The following CD8A variants were observed in gnomAD, a reference collection of about 807,000 sequenced individuals.
CD8A encodes the protein CD8 subunit alpha.
In CD8A, 25 loss-of-function variants were observed where a neutral mutation model predicts 24.2. That is an observed-to-expected ratio of 1.03 (90% CI 0.75 to 1.44). CD8A has a LOEUF of 1.44. CD8A is among the 40% of genes most tolerant of loss of function. The probability of loss-of-function intolerance (pLI) is 0.00; values close to 1 mark genes in which losing one functional copy is unlikely to be tolerated. For synonymous variants in CD8A, 165 were observed against 149.9 expected (o/e 1.10, Z -0.74); for missense variants, 360 against 319.7 (o/e 1.13, Z -0.96).
chr2:86,789,557 T>G, intron 3 of CD8A, 83 bp downstream of exon 3: 1 of 1,295,944 alleles, frequency 7.7e-7, no homozygotes, highest in Non-Finnish European at 1.1e-6. Context: ...CCCTTGACTC[T>G]ACCTACAGTA....
chr2:86,785,750 C>G lies in CD8A; in HGVS notation c.*170G>C, dbSNP rs750144339. 7.8e-6 allele frequency: 6 copies of G among 768,390 alleles called. No individual in the cohort carries two copies. In the South Asian group the frequency reaches 8.2e-5, roughly 11 times the overall value. 47.6% of individuals were successfully genotyped at this position (768,390 alleles called of 1,614,324 possible). On this transcript the variant is annotated 3_prime_UTR_variant, in exon 6 of 6. Transcript: ENST00000283635. ...CTGTAGATTTTACCTAGTTTTGTTT[C>G]CCGTCAAACACATAAAGAAAAAGTA...
At chr2:86,799,960 A>G (rs1321919250) in intron 3 of CD8A, among the ~76,000 whole-genome samples, 1 of 151,524 alleles carries the variant, frequency 6.6e-6, no homozygotes, top group Non-Finnish European at 1.5e-5. Flanking sequence ...TTTTAACAGA[A>G]ATTAAGTCTG....
chr2:86,790,184 T>C, intron 2 of CD8A, 144 bp downstream of exon 2: 1 of 708,220 alleles, frequency 1.4e-6, no homozygotes, highest in South Asian at 1.5e-5. Context: ...TTAGCCTCAG[T>C]TTGCTGTGTC....
At chr2:86,789,772 G>A in intron 2 of CD8A, 22 bp from the exon 3 acceptor site, 1 of 1,323,708 alleles carries the variant, frequency 7.6e-7, no homozygotes, top group South Asian at 2.1e-5. Context: ...ACAGAGCGTG[G>A]TTGGGGGCCA....
At chr2:86,788,680 C>A in intron 4 of CD8A, 120 bp from the exon 5 acceptor site, 1 of 866,180 alleles carries the variant, frequency 1.2e-6, no homozygotes, top group South Asian at 1.4e-5. Flanking sequence ...TACAAAAAAT[C>A]ATTTCAGAAC....
chr2:86,792,096 A>C (rs1673330994), upstream of CD8A, among the ~76,000 whole-genome samples: 1 of 151,466 alleles, frequency 6.6e-6, no homozygotes, highest in Non-Finnish European at 1.5e-5. Flanking sequence ...TGGCCTTGGG[A>C]CTCCTGAGCT....
chr2:86,806,806 C>T (rs867183748), intron 2 of CD8A, among the ~76,000 whole-genome samples: 10 of 152,268 alleles, frequency 6.6e-5, no homozygotes, highest in Middle Eastern at 6.8e-3. Context: ...GAGTGAAAAG[C>T]TTTATGGTGG....
At chr2:86,805,313 A>C (rs899568477) in intron 2 of CD8A, among the ~76,000 whole-genome samples, 2 of 152,150 alleles carry the variant, frequency 1.3e-5, no homozygotes, top group African/African-American at 4.8e-5. Context: ...GATTTTCTCT[A>C]GGGTGTTTTC....
In CD8A at chr2:86,785,668, C is replaced by G. The variant is rs1356400111; in HGVS notation, c.*252G>C. ...AACTCTGCGGGTAGCTCTGGCCTGC[C>G]CCTTTCCACGCCCTACCGCGATGTG... On this transcript the variant is annotated 3_prime_UTR_variant, in exon 6 of 6. Coordinates refer to ENST00000283635, the MANE Select transcript of CD8A (RefSeq NM_001768.7). The G allele has an allele frequency of 1.5e-6, 1 of 673,896 alleles. No homozygotes were observed. The highest frequency in any genetic ancestry group is 2.7e-6 in the Non-Finnish European group (1 of 367,452). 41.7% of individuals were successfully genotyped at this position (673,896 alleles called of 1,614,324 possible).
rs753976692 is a variant in CD8A, at chr2:86,788,564, G to A, written c.626-4C>T. 6.2e-7 allele frequency: 1 copy of A among 1,612,792 alleles called. No homozygotes were observed. Among genetic ancestry groups the A allele is most frequent in the Non-Finnish European group, 8.5e-7 (1 of 1,179,106 alleles). On this transcript the variant is annotated splice_region_variant and splice_polypyrimidine_tract_variant and intron_variant, in intron 4 of 5. Coordinates refer to ENST00000283635, the MANE Select transcript of CD8A (RefSeq NM_001768.7). ...TTGCAAACACGTCTTCGGTTCCCTG[G>A]ATAAGGAAAAAGAAGGGAAAAAGTG...
In CD8A at chr2:86,785,975, A is replaced by T; in HGVS notation, c.657-4T>A. The T allele has an allele frequency of 2.5e-6, 4 of 1,613,272 alleles. No individual in the cohort carries two copies. Among genetic ancestry groups the T allele is most frequent in the Non-Finnish European group, 3.4e-6 (4 of 1,179,174 alleles). ...GTCTCCCGATTTGACCACAGGCCTG[A>T]AAGAGAGGAAAGCGACCATCATTGT... On this transcript the variant is annotated splice_region_variant and splice_polypyrimidine_tract_variant and intron_variant, in intron 5 of 5. Transcript: ENST00000283635.
At chr2:86,803,420 G>T (rs904292559) in intron 2 of CD8A, among the ~76,000 whole-genome samples, 3 of 152,122 alleles carry the variant, frequency 2.0e-5, no homozygotes, top group Non-Finnish European at 2.9e-5. Flanking sequence ...ATATATACAA[G>T]GGAATTCAGC....
intron 5 of CD8A, among the ~76,000 whole-genome samples, chr2:86,788,212 G>A (rs928787306): frequency 6.7e-6 from 1 of 149,828 alleles, no homozygotes; most frequent in Non-Finnish European, 1.5e-5. Flanking sequence ...CAGGTCCTAC[G>A]AGGAGCTAGG....
chr2:86,790,461 C>A lies in CD8A; in HGVS notation c.270G>T (p.Ser90=). Residue 90 remains serine (S), a synonymous_variant, in exon 2 of 6, where the codon TCG becomes TCT. Coordinates refer to ENST00000283635, the MANE Select transcript of CD8A (RefSeq NM_001768.7). ...CGAAGGTGTCCCCCAACCTCTTGCC[C>A]GAGAACCGCTGGGTGTCCAGCCCCT... is the stretch of plus-strand genomic sequence containing the variant. ...AAEGLDTQRF[S]GKRLGDTFVL... is the part of the protein sequence containing the mutation. 1 of 1,614,164 alleles carries A rather than the reference C, an allele frequency of 6.2e-7. No individual in the cohort carries two copies. The highest frequency in any genetic ancestry group is 8.5e-7 in the Non-Finnish European group (1 of 1,180,030).
At chr2:86,791,024 C>G (rs1258043351), upstream of CD8A, 7 of 723,096 alleles carry the variant, frequency 9.7e-6, no homozygotes, top group Admixed American at 2.0e-5. Flanking sequence ...CCTTCCAGCC[C>G]GGCGAGGAGG....
At chr2:86,806,481 T>C (rs981342826) in intron 2 of CD8A, among the ~76,000 whole-genome samples, 3 of 152,242 alleles carry the variant, frequency 2.0e-5, no homozygotes, top group African/African-American at 7.2e-5. Flanking sequence ...CTTTCTCTTT[T>C]TGTGGGGACA....
chr2:86,804,794 CTTTTTTTTTTTTTT>C (rs70958908), intron 2 of CD8A, among the ~76,000 whole-genome samples: 5 of 94,062 alleles, frequency 5.3e-5, no homozygotes, highest in East Asian at 6.3e-4. Flanking sequence ...CTTGCTAAAT[CTTTTTTTTTTTTTT>C]TTTTTTTTTT....
intron 2 of CD8A, among the ~76,000 whole-genome samples, chr2:86,803,135 A>G (rs1273379702): frequency 3.9e-5 from 6 of 152,228 alleles, no homozygotes; most frequent in Non-Finnish European, 8.8e-5. Flanking sequence ...TGTCAAGTTA[A>G]AAGTGAGTAA....
chr2:86,791,083 G>A, upstream of CD8A: 1 of 696,700 alleles, frequency 1.4e-6, no homozygotes, highest in Non-Finnish European at 2.6e-6. Context: ...AGGCAACTGG[G>A]GGCAGCTGAA....
Sources: allele counts gnomAD v4.1 joint callset (sites outside exome capture counted in the v4.1 genomes callset), GRCh38; gene constraint gnomAD v4.1.1; transcripts MANE v1.5; gene names NCBI Gene and HGNC (gene_info 2026-07-23, HGNC 2026-07-21).